Variants in NR2F1-AS1 observed in about 807,000 individuals in gnomAD.
NR2F1-AS1 encodes NR2F1 antisense RNA 1.
chr5:93,451,814 T>C (rs1025605022), intron 4 of NR2F1-AS1, among the ~76,000 whole-genome samples: 1 of 152,240 alleles, frequency 6.6e-6, no homozygotes, highest in Non-Finnish European at 1.5e-5. Context: ...TAAAAAGTAA[T>C]TTAAGTATTA....
intron 1 of NR2F1-AS1, among the ~76,000 whole-genome samples, chr5:93,571,862 G>T (rs971350228): frequency 1.4e-5 from 2 of 142,600 alleles, no homozygotes; most frequent in Non-Finnish European, 3.0e-5. Flanking sequence ...AAGGCAATAT[G>T]ATTTTTTTTT....
At chr5:93,563,063 A>T (rs1202991323) in intron 2 of NR2F1-AS1, among the ~76,000 whole-genome samples, 1 of 152,250 alleles carries the variant, frequency 6.6e-6, no homozygotes, top group Non-Finnish European at 1.5e-5. Context: ...GAAAATATAT[A>T]GCCAATGCTG....
intron 4 of NR2F1-AS1, among the ~76,000 whole-genome samples, chr5:93,536,141 T>C (rs1262267774): frequency 6.6e-6 from 1 of 152,082 alleles, no homozygotes; most frequent in Non-Finnish European, 1.5e-5. Flanking sequence ...AATTTCTATA[T>C]GCTAATAGTG....
chr5:93,461,134 C>CATGGAATACT (rs1269949483), intron 4 of NR2F1-AS1, among the ~76,000 whole-genome samples: 1 of 152,148 alleles, frequency 6.6e-6, no homozygotes, highest in African/African-American at 2.4e-5. Context: ...ACATATACAC[C>CATGGAATACT]ATGGAATACT....
chr5:93,412,385 GC>G (rs1330119108), intron 4 of NR2F1-AS1, among the ~76,000 whole-genome samples: 1 of 151,978 alleles, frequency 6.6e-6, no homozygotes, highest in Admixed American at 6.6e-5. Context: ...CTGAGCTTGG[GC>G]CCCTGATGTC....
At chr5:93,464,636 G>A (rs1750185320) in intron 4 of NR2F1-AS1, among the ~76,000 whole-genome samples, 1 of 152,190 alleles carries the variant, frequency 6.6e-6, no homozygotes, top group Non-Finnish European at 1.5e-5. Flanking sequence ...GGAATATTCA[G>A]ATAACTAATC....
chr5:93,575,804 C>T (rs1429537693), intron 1 of NR2F1-AS1, among the ~76,000 whole-genome samples: 2 of 152,120 alleles, frequency 1.3e-5, no homozygotes, highest in Non-Finnish European at 2.9e-5. Context: ...AAAGTATCAC[C>T]TAGACTGCTT....
intron 4 of NR2F1-AS1, among the ~76,000 whole-genome samples, chr5:93,471,105 C>G (rs1750355639): frequency 6.6e-6 from 1 of 151,864 alleles, no homozygotes; most frequent in African/African-American, 2.4e-5. Flanking sequence ...TGGCCTCTTT[C>G]TAAATTAGTG....
intron 4 of NR2F1-AS1, among the ~76,000 whole-genome samples, chr5:93,471,349 A>C (rs1215617858): frequency 1.3e-5 from 2 of 151,888 alleles, no homozygotes; most frequent in African/African-American, 4.8e-5. Context: ...GAATTATCCT[A>C]AGGCAATATT....
At chr5:93,543,035 T>C (rs1751990074) in intron 4 of NR2F1-AS1, 1 of 152,188 alleles carries the variant, frequency 6.6e-6, no homozygotes, top group African/African-American at 2.4e-5. Flanking sequence ...TGGCCCTCAT[T>C]AGGATTTACT....
intron 4 of NR2F1-AS1, among the ~76,000 whole-genome samples, chr5:93,481,939 A>C (rs564244177): frequency 6.6e-6 from 1 of 152,264 alleles, no homozygotes; most frequent in Admixed American, 6.5e-5. Flanking sequence ...ATAGCTGTAA[A>C]CACCTATATT....
intron 4 of NR2F1-AS1, among the ~76,000 whole-genome samples, chr5:93,469,934 C>T (rs764195914): frequency 1.3e-5 from 2 of 152,012 alleles, no homozygotes; most frequent in African/African-American, 4.8e-5. Context: ...AATATAACAA[C>T]TGTTTATAGT....
At chr5:93,451,176 T>A (rs1211084572) in intron 4 of NR2F1-AS1, among the ~76,000 whole-genome samples, 1 of 152,010 alleles carries the variant, frequency 6.6e-6, no homozygotes, top group African/African-American at 2.4e-5. Context: ...GTACTCCTAG[T>A]TAAGAAAGAA....
intron 4 of NR2F1-AS1, among the ~76,000 whole-genome samples, chr5:93,519,345 A>G (rs931536124): frequency 6.6e-6 from 1 of 151,992 alleles, no homozygotes; most frequent in Non-Finnish European, 1.5e-5. Context: ...CCAAATCTTT[A>G]TATGCATATG....
chr5:93,457,965 G>A (rs1413547212), intron 4 of NR2F1-AS1, among the ~76,000 whole-genome samples: 1 of 152,166 alleles, frequency 6.6e-6, no homozygotes, highest in East Asian at 1.9e-4. Context: ...AAGGCTGACT[G>A]TAGACATACT....
rs1752462226 is a variant in NR2F1-AS1, at chr5:93,560,465, T to C, written n.413+2899A>G. On this transcript the variant is annotated intron_variant and non_coding_transcript_variant, in intron 2 of 5. Transcript: ENST00000660523. ...ATCTCAGTGACTTTTGGCTTTGTCG[T>C]TGACATTAGTTGGTATGCAGCTTTC... 3.3e-5 allele frequency among the ~76,000 whole-genome samples: 5 copies of C among 152,208 alleles called. No homozygotes were observed. In the South Asian group the frequency reaches 1.0e-3, roughly 32 times the overall value.
intron 4 of NR2F1-AS1, among the ~76,000 whole-genome samples, chr5:93,435,396 CTTTA>C (rs1342594159): frequency 1.3e-5 from 2 of 152,242 alleles, no homozygotes; most frequent in African/African-American, 4.8e-5. Flanking sequence ...TGTATTATCA[CTTTA>C]TTTGTTTTCT....
intron 4 of NR2F1-AS1, among the ~76,000 whole-genome samples, chr5:93,424,367 A>G (rs1479682842): frequency 6.6e-6 from 1 of 151,522 alleles, no homozygotes; most frequent in African/African-American, 2.4e-5. Context: ...TATATAATTT[A>G]TATTTTTCTC....
chr5:93,478,800 G>A (rs1420345132), intron 4 of NR2F1-AS1, among the ~76,000 whole-genome samples: 1 of 152,162 alleles, frequency 6.6e-6, no homozygotes, highest in Non-Finnish European at 1.5e-5. Flanking sequence ...ATTTATTGAT[G>A]ATCCTCATGT....
Sources: allele counts gnomAD v4.1 joint callset (sites outside exome capture counted in the v4.1 genomes callset), GRCh38; gene constraint gnomAD v4.1.1; transcripts MANE v1.5; gene names NCBI Gene and HGNC (gene_info 2026-07-23, HGNC 2026-07-21).